Variants in ETV6 observed in about 807,000 individuals in gnomAD.
ETV6 encodes transcription factor ETV6.
Under a neutral mutation model 51.1 loss-of-function variants are expected in ETV6, and 16 were observed. That is an observed-to-expected ratio of 0.31 (90% CI 0.21 to 0.48). The LOEUF (loss-of-function observed/expected upper bound fraction) is 0.48, where lower values mean the gene tolerates loss of function less well. Ranked by LOEUF, ETV6 falls within the 20% of genes least tolerant of loss-of-function variation. The probability of loss-of-function intolerance (pLI) is 0.99; values close to 1 mark genes in which losing one functional copy is unlikely to be tolerated. For synonymous variants in ETV6, 240 were observed against 224.1 expected (o/e 1.07, Z -0.64); for missense variants, 458 against 594.8 (o/e 0.77, Z 2.39).
At chr12:11,766,464 T>G (rs1355322165) in intron 2 of ETV6, among the ~76,000 whole-genome samples, 1 of 151,730 alleles carries the variant, frequency 6.6e-6, no homozygotes, top group Non-Finnish European at 1.5e-5. Context: ...CTGACAGGTT[T>G]CTGTATGCCG....
At chr12:11,702,876 C>T (rs755319882) in intron 1 of ETV6, among the ~76,000 whole-genome samples, 21 of 152,170 alleles carry the variant, frequency 1.4e-4, no homozygotes, top group Non-Finnish European at 2.4e-4. Flanking sequence ...GAGGCTGAGC[C>T]GGGTAGATCG....
At chr12:11,755,156 G>A (rs1944988933) in intron 2 of ETV6, among the ~76,000 whole-genome samples, 1 of 152,132 alleles carries the variant, frequency 6.6e-6, no homozygotes, top group East Asian at 1.9e-4. Context: ...CCGTAGCATT[G>A]GTTTATGGCT....
chr12:11,814,845 CTT>C (rs1454633609), intron 2 of ETV6, among the ~76,000 whole-genome samples: 1 of 152,218 alleles, frequency 6.6e-6, no homozygotes, highest in Non-Finnish European at 1.5e-5. Context: ...GAATGCCCCT[CTT>C]TTCGCCTGCT....
At chr12:11,873,249 C>G (rs1565561891) in intron 5 of ETV6, among the ~76,000 whole-genome samples, 2 of 152,158 alleles carry the variant, frequency 1.3e-5, no homozygotes, top group Admixed American at 1.3e-4. Context: ...TGTAGTCTGA[C>G]AGTCTTGATT....
intron 1 of ETV6, among the ~76,000 whole-genome samples, chr12:11,714,018 CT>C (rs2120894327): frequency 6.6e-6 from 1 of 152,284 alleles, no homozygotes; most frequent in East Asian, 1.9e-4. Context: ...TCCAATTCTT[CT>C]CTTTGGCAGG....
rs150824726 is a variant in ETV6 at position 11,690,061 on chromosome 12, C to T, written c.33+39901C>T. The stretch of plus-strand genomic sequence containing the variant: ...TGAGATTAATGCCAGCCCATGAGTG[C>T]TTTGTGGTGCTGAGGTAACTGAAGT... On this transcript the variant is annotated intron_variant, in intron 1 of 7. Transcript: ENST00000396373. Among the ~76,000 whole-genome samples the T allele has an allele frequency of 3.4e-4, 52 of 152,116 alleles. No individual in the cohort carries two copies. In the East Asian group the frequency reaches 6.6e-3, roughly 19 times the overall value.
chr12:11,796,605 A>C (rs938611192), intron 2 of ETV6, among the ~76,000 whole-genome samples: 1 of 152,154 alleles, frequency 6.6e-6, no homozygotes, highest in East Asian at 1.9e-4. Context: ...ACTCTTATAC[A>C]TCATCTACCA....
At chr12:11,730,743 C>T (rs991454156) in intron 1 of ETV6, among the ~76,000 whole-genome samples, 11 of 152,190 alleles carry the variant, frequency 7.2e-5, no homozygotes, top group African/African-American at 2.4e-4. Context: ...TTGGAGTGTA[C>T]AACAATCAAC....
intron 2 of ETV6, among the ~76,000 whole-genome samples, chr12:11,765,389 T>C (rs922290821): frequency 6.6e-6 from 1 of 152,156 alleles, no homozygotes; most frequent in South Asian, 2.1e-4. Flanking sequence ...CACTGCTTGA[T>C]ACGCAGTCTC....
chr12:11,743,736 C>T (rs2724639), intron 1 of ETV6, among the ~76,000 whole-genome samples: 130,052 of 152,202 alleles, frequency 0.85, 58,322 homozygotes, highest in Non-Finnish European at 0.99. Flanking sequence ...AAACATCTTT[C>T]TAGTTTTGAA....
chr12:11,870,648 G>A (rs921613354), intron 5 of ETV6, among the ~76,000 whole-genome samples: 4 of 152,312 alleles, frequency 2.6e-5, no homozygotes, highest in African/African-American at 7.2e-5. Flanking sequence ...CTAACCATGT[G>A]ACAAGGTTAG....
At chr12:11,838,115 C>T (rs1441539886) in intron 2 of ETV6, among the ~76,000 whole-genome samples, 8 of 152,142 alleles carry the variant, frequency 5.3e-5, no homozygotes, top group South Asian at 2.1e-4. Flanking sequence ...GATGGCTGGA[C>T]GCTCATCTCT....
chr12:11,891,689 G>A lies in ETV6; in HGVS notation c.*643G>A. On this transcript the variant is annotated 3_prime_UTR_variant, in exon 8 of 8. Transcript: ENST00000396373. Reference sequence around the variant, plus strand: ...CTCTGTTCTTCCCTTGGTCCCCTCTGTCCTCCCGCCCTGCCTGCAGTTGAG... The same window carrying A: ...CTCTGTTCTTCCCTTGGTCCCCTCTATCCTCCCGCCCTGCCTGCAGTTGAG... 4.1e-6 allele frequency: 2 copies of A among 486,210 alleles called. No individual in the cohort carries two copies. The highest frequency in any genetic ancestry group is 7.9e-6 in the Non-Finnish European group (2 of 253,662). 30.1% of individuals were successfully genotyped at this position (486,210 alleles called of 1,614,324 possible).
At chr12:11,735,039 C>A (rs1022992827) in intron 1 of ETV6, among the ~76,000 whole-genome samples, 1 of 141,944 alleles carries the variant, frequency 7.0e-6, no homozygotes. Context: ...AAAATGTCTT[C>A]GTAATTTATG....
At chr12:11,792,086 G>T (rs1375660216) in intron 2 of ETV6, among the ~76,000 whole-genome samples, 1 of 152,208 alleles carries the variant, frequency 6.6e-6, no homozygotes. Flanking sequence ...ACAGCAAATA[G>T]ATAAATCAAT....
chr12:11,823,616 A>G (rs1480471779), intron 2 of ETV6, among the ~76,000 whole-genome samples: 2 of 151,922 alleles, frequency 1.3e-5, no homozygotes, highest in South Asian at 2.1e-4. Context: ...ACAGGCTCCC[A>G]TCACTAGGCC....
intron 2 of ETV6, among the ~76,000 whole-genome samples, chr12:11,827,164 TTTTG>T (rs949190603): frequency 1.1e-4 from 17 of 152,150 alleles, no homozygotes; most frequent in East Asian, 3.9e-4. Flanking sequence ...GTTTGTTTTT[TTTTG>T]TTTGTTTGTT....
chr12:11,664,963 GC>G (rs1864168430), intron 1 of ETV6, among the ~76,000 whole-genome samples: 1 of 152,176 alleles, frequency 6.6e-6, no homozygotes, highest in South Asian at 2.1e-4. Flanking sequence ...CACCTGCAAG[GC>G]CCTTTACTGC....
intron 2 of ETV6, among the ~76,000 whole-genome samples, chr12:11,824,656 G>C (rs1426028064): frequency 6.6e-6 from 1 of 152,222 alleles, no homozygotes; most frequent in Middle Eastern, 3.2e-3. Context: ...ATGCATGCCT[G>C]TAATCCCAGC....
Sources: gnomAD v4.1 joint callset for allele counts (sites outside exome capture counted in the v4.1 genomes callset) on GRCh38, gnomAD v4.1.1 for gene constraint, MANE v1.5 for transcripts, NCBI Gene and HGNC (gene_info 2026-07-23, HGNC 2026-07-21) for gene names.